CCDC93: variants seen among roughly 807,000 people sequenced by gnomAD.
CCDC93 encodes the protein CCC complex scaffolding subunit CCDC93, also known as coiled-coil domain-containing protein 93.
In CCDC93, 61 loss-of-function variants were observed where a neutral mutation model predicts 108.2. That is an observed-to-expected ratio of 0.56 (90% CI 0.46 to 0.70). CCDC93 has a LOEUF of 0.70. Ranked by LOEUF, CCDC93 falls within the 30% of genes least tolerant of loss-of-function variation. The pLI is 0.00. For synonymous variants in CCDC93, 276 were observed against 260.4 expected (o/e 1.06, Z -0.58); for missense variants, 685 against 764.2 (o/e 0.90, Z 1.22).
chr2:117,938,303 G>T (rs1678584828), intron 20 of CCDC93, among the ~76,000 whole-genome samples: 1 of 152,150 alleles, frequency 6.6e-6, no homozygotes, highest in African/African-American at 2.4e-5. Context: ...TGAAGACCAG[G>T]ACTGTTCTCT....
At chr2:117,960,314 T>C (rs1283745397) in intron 11 of CCDC93, among the ~76,000 whole-genome samples, 4 of 152,226 alleles carry the variant, frequency 2.6e-5, no homozygotes, top group Admixed American at 2.6e-4. Flanking sequence ...CTCCTCCAGA[T>C]GCCTGTCAGG....
At chr2:118,000,635 G>T in intron 4 of CCDC93, 186 bp downstream of exon 4, 1 of 549,016 alleles carries the variant, frequency 1.8e-6, no homozygotes, top group Non-Finnish European at 3.3e-6. Flanking sequence ...TGAAACTAGA[G>T]TATATGCAGG....
At chr2:117,989,415 G>A (rs1050355439) in intron 6 of CCDC93, among the ~76,000 whole-genome samples, 1 of 152,116 alleles carries the variant, frequency 6.6e-6, no homozygotes, top group Non-Finnish European at 1.5e-5. Flanking sequence ...TACCCTGCAA[G>A]CAAACCTGTC....
chr2:118,008,036 T>C (rs1676925393), intron 2 of CCDC93, among the ~76,000 whole-genome samples: 1 of 152,242 alleles, frequency 6.6e-6, no homozygotes, highest in Non-Finnish European at 1.5e-5. Flanking sequence ...CTTTGAGAAC[T>C]GTGCCTCTGT....
intron 12 of CCDC93, among the ~76,000 whole-genome samples, chr2:117,953,373 T>A (rs1679119384): frequency 6.6e-6 from 1 of 152,110 alleles, no homozygotes; most frequent in Admixed American, 6.6e-5. Context: ...CTGAGAGCAA[T>A]GTGATAAAGG....
chr2:117,984,050 T>C (rs949463445), intron 7 of CCDC93, among the ~76,000 whole-genome samples: 1 of 152,140 alleles, frequency 6.6e-6, no homozygotes, highest in Non-Finnish European at 1.5e-5. Context: ...CTTAAGAAAG[T>C]CATTTTTTAA....
chr2:117,926,381 TAAA>T (rs1483640700), intron 23 of CCDC93, among the ~76,000 whole-genome samples: 1 of 151,556 alleles, frequency 6.6e-6, no homozygotes, highest in Non-Finnish European at 1.5e-5. Flanking sequence ...GCAAGACTAA[TAAA>T]GAAGAAAAGA....
At chr2:117,962,991 A>T (rs1679443052) in intron 11 of CCDC93, among the ~76,000 whole-genome samples, 1 of 152,202 alleles carries the variant, frequency 6.6e-6, no homozygotes, top group Admixed American at 6.5e-5. Context: ...GGGGCAAAAA[A>T]CCCATAAGTA....
intron 17 of CCDC93, among the ~76,000 whole-genome samples, chr2:117,944,434 G>A (rs1678802693): frequency 6.6e-6 from 1 of 151,994 alleles, no homozygotes; most frequent in Admixed American, 6.5e-5. Flanking sequence ...GTTTGGAGAT[G>A]ATGCTAGTTT....
intron 11 of CCDC93, among the ~76,000 whole-genome samples, chr2:117,961,498 A>G (rs1161608886): frequency 6.6e-6 from 1 of 152,206 alleles, no homozygotes. Flanking sequence ...TTAGTCAGAT[A>G]AAACAGTTTA....
chr2:117,974,756 C>T lies in CCDC93; in HGVS notation c.801+94G>A, dbSNP rs1573503958. 4.6e-6 allele frequency: 4 copies of T among 877,582 alleles called. No individual in the cohort carries two copies. The East Asian group carries it at 1.1e-4, about 23-fold the overall frequency. 54.4% of individuals were successfully genotyped at this position (877,582 alleles called of 1,614,324 possible). A position where few individuals can be genotyped will look rare whatever the true frequency, so the allele number is the denominator to read the frequency against. On this transcript the variant is annotated intron_variant, in intron 10 of 23. Transcript: ENST00000376300. The stretch of plus-strand genomic sequence containing the variant: ...GGAGGTACTGTGTGCTGGTGAGAGG[C>T]AGCTCCGGAGAAGGTGGGCTCTCTG...
At chr2:117,929,691 T>C (rs1185812182) in intron 23 of CCDC93, among the ~76,000 whole-genome samples, 2 of 152,192 alleles carry the variant, frequency 1.3e-5, no homozygotes, top group Non-Finnish European at 2.9e-5. Context: ...GGCAGCAAAT[T>C]CCTAATTGTT....
At chr2:117,923,296 G>C (rs117892212) in intron 23 of CCDC93, among the ~76,000 whole-genome samples, 2 of 152,150 alleles carry the variant, frequency 1.3e-5, no homozygotes, top group Non-Finnish European at 2.9e-5. Flanking sequence ...TGCACTCAGC[G>C]TTAGCCGAGG....
chr2:117,971,984 T>A (rs1679778476), intron 11 of CCDC93, among the ~76,000 whole-genome samples: 1 of 152,246 alleles, frequency 6.6e-6, no homozygotes, highest in Admixed American at 6.5e-5. Flanking sequence ...TACAGTCATC[T>A]CTTAGTATAT....
intron 11 of CCDC93, among the ~76,000 whole-genome samples, chr2:117,969,231 T>G (rs569218456): frequency 6.6e-6 from 1 of 152,164 alleles, no homozygotes; most frequent in African/African-American, 2.4e-5. Flanking sequence ...AGTGGCAATG[T>G]AGGAGAGGCT....
At chr2:118,002,579 GA>G (rs964171595) in intron 3 of CCDC93, among the ~76,000 whole-genome samples, 3 of 152,078 alleles carry the variant, frequency 2.0e-5, no homozygotes, top group African/African-American at 7.2e-5. Context: ...TGTGTTAATA[GA>G]AAAAAATATG....
intron 4 of CCDC93, chr2:117,998,179 T>C (rs1225704745): frequency 6.6e-6 from 1 of 152,218 alleles, no homozygotes; most frequent in Non-Finnish European, 1.5e-5. Flanking sequence ...GATCTGCTTT[T>C]TTCTTGGCTG....
At chr2:117,975,746 T>C (rs1679924627) in intron 8 of CCDC93, among the ~76,000 whole-genome samples, 1 of 152,234 alleles carries the variant, frequency 6.6e-6, no homozygotes, top group Non-Finnish European at 1.5e-5. Flanking sequence ...TACTGCTTAC[T>C]GAAACTTTTG....
At chr2:118,013,403 C>T (rs1356664679) in intron 1 of CCDC93, among the ~76,000 whole-genome samples, 1 of 152,128 alleles carries the variant, frequency 6.6e-6, no homozygotes, top group Non-Finnish European at 1.5e-5. Context: ...GCAAGTCTCC[C>T]AAACTTCCTC....
Sources: gnomAD v4.1 joint callset for allele counts (sites outside exome capture counted in the v4.1 genomes callset) on GRCh38, gnomAD v4.1.1 for gene constraint, MANE v1.5 for transcripts, NCBI Gene and HGNC (gene_info 2026-07-23, HGNC 2026-07-21) for gene names.